NDST4: variants seen among roughly 807,000 people sequenced by gnomAD.
NDST4 encodes N-deacetylase and N-sulfotransferase 4, also known as N-heparan sulfate sulfotransferase 4.
In NDST4, 63 loss-of-function variants were observed where a neutral mutation model predicts 100.8. That is an observed-to-expected ratio of 0.62 (90% CI 0.51 to 0.77). The LOEUF (loss-of-function observed/expected upper bound fraction) is 0.77. NDST4 is among the 30% of genes least tolerant of loss of function. NDST4 has a pLI of 0.00. For synonymous variants in NDST4, 377 were observed against 361.8 expected (o/e 1.04, Z -0.48); for missense variants, 943 against 1,018.4 (o/e 0.93, Z 1.01).
intron 9 of NDST4, among the ~76,000 whole-genome samples, 185 bp downstream of exon 9, chr4:114,848,030 A>G (rs1723591931): frequency 6.6e-6 from 1 of 152,218 alleles, no homozygotes; most frequent in Admixed American, 6.5e-5. Flanking sequence ...TATTATCATT[A>G]TTGCACTGTC....
intron 1 of NDST4, among the ~76,000 whole-genome samples, chr4:115,086,175 A>G (rs1729406701): frequency 6.6e-6 from 1 of 152,166 alleles, no homozygotes; most frequent in Admixed American, 6.6e-5. Context: ...TATTGATTAA[A>G]TAGTAGTTGA....
intron 7 of NDST4, among the ~76,000 whole-genome samples, chr4:114,867,646 T>TAAAAAAAAAAAAAAAAAAC (rs761173470): frequency 3.7e-5 from 1 of 26,776 alleles, no homozygotes; most frequent in East Asian, 1.7e-3. Context: ...ATGAGAATTA[T>TAAAAAAAAAAAAAAAAAAC]AAAAAAAAAA....
intron 1 of NDST4, among the ~76,000 whole-genome samples, chr4:115,084,323 C>G (rs972586542): frequency 6.6e-6 from 1 of 151,962 alleles, no homozygotes. Flanking sequence ...CAAGAGGAAG[C>G]GAAGCATGAA....
intron 6 of NDST4, among the ~76,000 whole-genome samples, chr4:114,895,665 G>A (rs1433675614): frequency 2.6e-5 from 4 of 152,142 alleles, no homozygotes; most frequent in Admixed American, 6.6e-5. Context: ...TACCAAAATC[G>A]AGAAGAGACA....
At position 114,827,842 on chromosome 4, in the gene NDST4, T is replaced by C; in HGVS notation, c.2593A>G (p.Arg865Gly). ...RLGQPLPSWL[R>G]QELQKVR ...TATCTCACTTTCTGCAGTTCCTGTC[T>C]CAGCCACGATGGCAGAGGCTGTCCC... The change falls in exon 14 of 14, where the codon AGA becomes GGA. Residue 865 changes from arginine (R) to glycine (G), a missense_variant. Arg to Gly is a moderately radical substitution (Grantham distance 125, BLOSUM62 -2). Transcript: ENST00000264363. 2 of 1,612,394 alleles carry C rather than the reference T, an allele frequency of 1.2e-6. No individual in the cohort carries two copies.
Position 115,098,885 on chromosome 4 carries a change from T to C in NDST4, c.-247+14559A>G, listed in dbSNP as rs117446399. 4.7e-3 allele frequency among the ~76,000 whole-genome samples: 710 copies of C among 152,172 alleles called. 19 individuals carry two copies. The highest frequency in any genetic ancestry group is 0.038 in the Admixed American group (578 of 15,268). ...TTGCTAATTTTTTTTATATACATAT[T>C]TTGTAGAGACAGTGGTCTCACTATG... On this transcript the variant is annotated intron_variant, in intron 1 of 13. Coordinates refer to ENST00000264363, the MANE Select transcript of NDST4 (RefSeq NM_022569.3).
intron 4 of NDST4, among the ~76,000 whole-genome samples, chr4:114,959,754 A>G (rs1339865493): frequency 6.6e-6 from 1 of 152,214 alleles, no homozygotes. Context: ...AGAGGAAAAA[A>G]GTAGGAAAAA....
chr4:114,933,935 AC>A (rs2126224713), intron 6 of NDST4, among the ~76,000 whole-genome samples: 1 of 152,302 alleles, frequency 6.6e-6, no homozygotes, highest in African/African-American at 2.4e-5. Context: ...ATTATGGAAA[AC>A]ACTATAGAGA....
intron 8 of NDST4, among the ~76,000 whole-genome samples, chr4:114,849,898 G>A (rs544549247): frequency 1.3e-5 from 2 of 152,176 alleles, no homozygotes; most frequent in Admixed American, 1.3e-4. Flanking sequence ...GGGACGAGGG[G>A]CATCCTCAAG....
At chr4:115,005,315 T>C (rs966371985) in intron 2 of NDST4, among the ~76,000 whole-genome samples, 4 of 152,116 alleles carry the variant, frequency 2.6e-5, no homozygotes, top group African/African-American at 9.7e-5. Flanking sequence ...TAAGGTAAGG[T>C]TGCTGGGCCT....
At chr4:115,033,148 TATATATATA>T (rs377566936) in intron 2 of NDST4, among the ~76,000 whole-genome samples, 1,568 of 131,356 alleles carry the variant, frequency 0.012, 31 homozygotes, top group African/African-American at 0.043. Context: ...TATATATATA[TATATATATA>T]TTTTTTTTTT....
chr4:115,044,808 C>T lies in NDST4; in HGVS notation c.978+31251G>A, dbSNP rs181424297. Among the ~76,000 whole-genome samples the T allele has an allele frequency of 5.6e-5, 8 of 143,822 alleles. No homozygotes were observed. In the East Asian group the frequency reaches 1.6e-3, roughly 30 times the overall value. The allele number at this position is 143,822 out of a possible 152,430, so 94.4% of individuals were successfully genotyped here. A position where few individuals can be genotyped will look rare whatever the true frequency, so the allele number is the denominator to read the frequency against. On this transcript the variant is annotated intron_variant, in intron 2 of 13. Coordinates refer to ENST00000264363, the MANE Select transcript of NDST4 (RefSeq NM_022569.3). ...TAAATTAATGAGAAAAAGAAAAGGC[C>T]AGGTAAGTTTCATGAAAATGACTGA...
intron 2 of NDST4, among the ~76,000 whole-genome samples, chr4:115,033,900 A>G (rs1439200842): frequency 6.6e-6 from 1 of 152,196 alleles, no homozygotes; most frequent in Non-Finnish European, 1.5e-5. Flanking sequence ...AAGTTTTGAC[A>G]GTTTTAAACA....
chr4:114,845,577 G>C (rs1485896082), intron 10 of NDST4, among the ~76,000 whole-genome samples: 1 of 152,102 alleles, frequency 6.6e-6, no homozygotes, highest in East Asian at 1.9e-4. Context: ...TATAGCTTAG[G>C]AAATCTATTA....
At chr4:114,831,958 G>GT (rs1309493289) in intron 12 of NDST4, among the ~76,000 whole-genome samples, 5 of 151,836 alleles carry the variant, frequency 3.3e-5, no homozygotes, top group East Asian at 3.9e-4. Flanking sequence ...TGTGGTTTGA[G>GT]TTTTTTTTAT....
Position 114,865,015 on chromosome 4 carries a change from A to T in NDST4, c.1719+5753T>A, listed in dbSNP as rs543967177. 2.0e-5 allele frequency among the ~76,000 whole-genome samples: 3 copies of T among 152,264 alleles called. No individual in the cohort carries two copies. In the East Asian group the frequency reaches 5.8e-4, roughly 29 times the overall value. On this transcript the variant is annotated intron_variant, in intron 7 of 13. Coordinates refer to ENST00000264363, the MANE Select transcript of NDST4 (RefSeq NM_022569.3). ...TTTCCCATGAGGTAGTCTCATAGTA[A>T]AACTGACCCCAAGAGAAGGTGGCAT...
At chr4:114,922,759 G>A (rs1298257758) in intron 6 of NDST4, among the ~76,000 whole-genome samples, 1 of 152,132 alleles carries the variant, frequency 6.6e-6, no homozygotes, top group African/African-American at 2.4e-5. Context: ...TAACAAAAGG[G>A]CATGTGGTAG....
In NDST4 at chr4:115,003,272, G is replaced by A. The variant is rs540911312; in HGVS notation, c.979-25998C>T. 9.2e-5 allele frequency among the ~76,000 whole-genome samples: 14 copies of A among 152,244 alleles called. No individual in the cohort carries two copies. The East Asian group carries it at 2.7e-3, about 29-fold the overall frequency. ...AGAAGAAGAAAAAAGAATTCTAGAT[G>A]TTTAAAATCAAACAAAATTTAAGAT... is the stretch of plus-strand genomic sequence containing the variant. On this transcript the variant is annotated intron_variant, in intron 2 of 13. Transcript: ENST00000264363.
rs1330324242 is a variant in NDST4 at position 115,009,139 on chromosome 4, C to A, written c.979-31865G>T. The stretch of plus-strand genomic sequence containing the variant: ...GTAATTTATAGATTCAATGCCATCC[C>A]CATCAAGCTACCAATGACTTTCTTC... On this transcript the variant is annotated intron_variant, in intron 2 of 13. Transcript: ENST00000264363. 1.6e-5 allele frequency among the ~76,000 whole-genome samples: 2 copies of A among 126,622 alleles called. 1 individual carries two copies. Among genetic ancestry groups the A allele is most frequent in the African/African-American group, 6.0e-5 (2 of 33,212 alleles). 83.1% of individuals were successfully genotyped at this position (126,622 alleles called of 152,430 possible).
Sources: allele counts gnomAD v4.1 joint callset (sites outside exome capture counted in the v4.1 genomes callset), GRCh38; gene constraint gnomAD v4.1.1; transcripts MANE v1.5; gene names NCBI Gene and HGNC (gene_info 2026-07-23, HGNC 2026-07-21).